TRAT1: variants seen among roughly 807,000 people sequenced by gnomAD.
TRAT1 encodes the protein T-cell receptor-associated transmembrane adapter 1.
A neutral mutation model predicts 20.0 loss-of-function variants in TRAT1; 20 were observed. The ratio of observed to expected loss-of-function variants is 1.00; its 90% CI spans 0.70 to 1.45. The LOEUF is 1.45. TRAT1 is among the 40% of genes most tolerant of loss of function. The pLI is 0.00. For synonymous variants in TRAT1, 77 were observed against 74.2 expected (o/e 1.04, Z -0.20); for missense variants, 237 against 224.1 (o/e 1.06, Z -0.37).
At chr3:108,835,193 T>C (rs1945827933) in intron 2 of TRAT1, among the ~76,000 whole-genome samples, 1 of 152,136 alleles carries the variant, frequency 6.6e-6, no homozygotes, top group African/African-American at 2.4e-5. Flanking sequence ...ATAGGAGGGT[T>C]AACACTCTAA....
At chr3:108,824,932 T>C (rs1256469117) in intron 1 of TRAT1, among the ~76,000 whole-genome samples, 1 of 152,184 alleles carries the variant, frequency 6.6e-6, no homozygotes, top group Non-Finnish European at 1.5e-5. Context: ...ACAGATATGG[T>C]AACATTTCCT....
rs576688406 is a variant in TRAT1, at chr3:108,838,955, G to C, written c.140G>C (p.Ser47Thr). Residue 47 changes from serine to threonine, a missense_variant, in exon 3 of 6, where the codon AGT (serine) becomes ACT (threonine). Ser to Thr is a moderately conservative substitution (Grantham distance 58). Coordinates refer to ENST00000295756, the MANE Select transcript of TRAT1 (RefSeq NM_016388.4). ...TCAGATAAAATGTACAGCTACTCCA[G>C]TGACCACACCAGGTATGTTGTGATT... ...QRQDKMYSYSSDHTRVDEYYI... is the reference protein window; with the variant it reads ...QRQDKMYSYSTDHTRVDEYYI... 6.2e-7 allele frequency: 1 copy of C among 1,608,084 alleles called. No homozygotes were observed. Among genetic ancestry groups the C allele is most frequent in the South Asian group, 1.1e-5 (1 of 90,858 alleles).
chr3:108,832,640 CA>C (rs1383281147), intron 2 of TRAT1, among the ~76,000 whole-genome samples: 1 of 152,026 alleles, frequency 6.6e-6, no homozygotes, highest in Non-Finnish European at 1.5e-5. Context: ...TTTAAGGTGA[CA>C]ACCAAGACAA....
rs910115295 is a variant in TRAT1, at chr3:108,836,657, T to C, written c.119-2277T>C. Among the ~76,000 whole-genome samples, 6 of 152,220 alleles carry C rather than the reference T, an allele frequency of 3.9e-5. No individual in the cohort carries two copies. The East Asian group carries it at 7.7e-4, about 19-fold the overall frequency. On this transcript the variant is annotated intron_variant, in intron 2 of 5. Coordinates refer to ENST00000295756, the MANE Select transcript of TRAT1 (RefSeq NM_016388.4). The stretch of plus-strand genomic sequence containing the variant: ...ATATGTATTTAGAATGTATGTATAA[T>C]ATTAATAACAAACTTTGTCATTAAA...
chr3:108,850,618 T>A (rs1945990376), intron 5 of TRAT1, among the ~76,000 whole-genome samples: 3 of 152,150 alleles, frequency 2.0e-5, no homozygotes. Context: ...ATTTTTTAAC[T>A]AAGAAACCAA....
At chr3:108,838,847 C>A in intron 2 of TRAT1, 87 bp from the exon 3 acceptor site, 1 of 1,038,234 alleles carries the variant, frequency 9.6e-7, no homozygotes, top group Non-Finnish European at 1.5e-6. Flanking sequence ...GACATTGAGG[C>A]TAAACTCCCC....
chr3:108,840,678 C>T (rs913973242), intron 3 of TRAT1, among the ~76,000 whole-genome samples: 3 of 152,156 alleles, frequency 2.0e-5, no homozygotes, highest in African/African-American at 7.2e-5. Context: ...AAGATCATTA[C>T]TATGCCAACC....
chr3:108,827,365 AG>A (rs1163125039), intron 1 of TRAT1, among the ~76,000 whole-genome samples: 1 of 144,688 alleles, frequency 6.9e-6, no homozygotes, highest in African/African-American at 2.6e-5. Flanking sequence ...GGGTAAGGGG[AG>A]GTATAAAGTA....
intron 5 of TRAT1, 121 bp from the exon 6 acceptor site, chr3:108,853,499 G>A: frequency 8.2e-7 from 1 of 1,213,488 alleles, no homozygotes; most frequent in Non-Finnish European, 1.2e-6. Context: ...GACAAATTTG[G>A]CAAAACAAGG....
chr3:108,845,159 G>C (rs1945930684), intron 3 of TRAT1, among the ~76,000 whole-genome samples: 1 of 152,150 alleles, frequency 6.6e-6, no homozygotes, highest in Admixed American at 6.5e-5. Context: ...CAACAGGCTG[G>C]AGCTATTTGG....
At chr3:108,840,706 G>A (rs540907340) in intron 3 of TRAT1, among the ~76,000 whole-genome samples, 2 of 152,316 alleles carry the variant, frequency 1.3e-5, no homozygotes, top group South Asian at 4.1e-4. Flanking sequence ...ATAGGAGTCT[G>A]AGCGCTTCAG....
chr3:108,843,365 A>G (rs1055592890), intron 3 of TRAT1, among the ~76,000 whole-genome samples: 3 of 152,110 alleles, frequency 2.0e-5, no homozygotes, highest in Admixed American at 6.5e-5. Flanking sequence ...CTCTGTCTCC[A>G]TTAAAAATAC....
chr3:108,840,063 G>A (rs1325890293), intron 3 of TRAT1, among the ~76,000 whole-genome samples: 2 of 152,008 alleles, frequency 1.3e-5, no homozygotes, highest in African/African-American at 4.8e-5. Flanking sequence ...TTCTCACTGG[G>A]TAGGATAAGA....
chr3:108,834,400 G>A (rs778896113), intron 2 of TRAT1, among the ~76,000 whole-genome samples: 1 of 152,090 alleles, frequency 6.6e-6, no homozygotes, highest in Non-Finnish European at 1.5e-5. Context: ...CCAAGTATTA[G>A]TAATAGCTCT....
chr3:108,842,138 T>A (rs936349162), intron 3 of TRAT1, among the ~76,000 whole-genome samples: 8 of 152,180 alleles, frequency 5.3e-5, no homozygotes, highest in Admixed American at 4.6e-4. Flanking sequence ...ACATTAAGCT[T>A]ATCATGACTC....
At chr3:108,831,878 C>T (rs556879480) in intron 2 of TRAT1, among the ~76,000 whole-genome samples, 121 of 152,118 alleles carry the variant, frequency 8.0e-4, no homozygotes, top group Non-Finnish European at 9.4e-4. Flanking sequence ...CCCTTAAGGG[C>T]AGGACATATA....
chr3:108,847,124 T>TCC lies in TRAT1; in HGVS notation c.209_210insCC (p.Ser71LeufsTer13). 3 of 1,538,910 alleles carry TCC rather than the reference T, an allele frequency of 1.9e-6. No individual in the cohort carries two copies. Among genetic ancestry groups the TCC allele is most frequent in the Non-Finnish European group, 2.7e-6 (3 of 1,122,708 alleles). ...ATTTATGGTAACTTAGATGATATGA[T>TCC]TTCAGGTAAGTTTTCCATAAGTTAA... On this transcript the variant is annotated frameshift_variant, in exon 4 of 6. Transcript: ENST00000295756. LOFTEE classifies it high-confidence loss of function.
intron 2 of TRAT1, among the ~76,000 whole-genome samples, chr3:108,835,609 G>T (rs1945831718): frequency 6.6e-6 from 1 of 152,128 alleles, no homozygotes; most frequent in Non-Finnish European, 1.5e-5. Flanking sequence ...TGGCTCAGCT[G>T]CAGATTATAC....
chr3:108,838,318 G>GTAGA (rs10575816), intron 2 of TRAT1, among the ~76,000 whole-genome samples: 39 of 143,468 alleles, frequency 2.7e-4, no homozygotes, highest in South Asian at 2.4e-3. Flanking sequence ...AATGTTAAAA[G>GTAGA]TAGATAGATA....
Sources: allele counts gnomAD v4.1 joint callset (sites outside exome capture counted in the v4.1 genomes callset), GRCh38; gene constraint gnomAD v4.1.1; transcripts MANE v1.5; gene names NCBI Gene and HGNC (gene_info 2026-07-23, HGNC 2026-07-21).